The following PCSK6 variants were observed in gnomAD, a reference collection of about 807,000 sequenced individuals.
PCSK6 encodes the protein proprotein convertase subtilisin/kexin type 6.
PCSK6 carries 85 observed loss-of-function variants against 123.3 expected under a neutral mutation model. That is an observed-to-expected ratio of 0.69 (90% CI 0.58 to 0.83). The LOEUF (loss-of-function observed/expected upper bound fraction) is 0.83, where lower values mean the gene tolerates loss of function less well. PCSK6 is among the 40% of genes least tolerant of loss of function. The pLI is 0.00. For missense variants in PCSK6, 1,191 were observed against 1,282.3 expected (o/e 0.93, Z 1.09); for synonymous variants, 508 against 516.0 (o/e 0.98, Z 0.21).
chr15:101,325,523 A>G (rs982965499), intron 16 of PCSK6, among the ~76,000 whole-genome samples: 4 of 152,160 alleles, frequency 2.6e-5, no homozygotes, highest in African/African-American at 9.7e-5. Flanking sequence ...CCCGTGCCTG[A>G]GCCCTCATGG....
chr15:101,447,399 C>T (rs2056919457), intron 1 of PCSK6, among the ~76,000 whole-genome samples: 1 of 152,172 alleles, frequency 6.6e-6, no homozygotes, highest in African/African-American at 2.4e-5. Context: ...AGAGATGTCC[C>T]CATTTCACAG....
chr15:101,391,259 G>A (rs1365570667), intron 8 of PCSK6, among the ~76,000 whole-genome samples: 1 of 152,184 alleles, frequency 6.6e-6, no homozygotes, highest in Non-Finnish European at 1.5e-5. Flanking sequence ...AGGGGTTCTC[G>A]GCAGATCACA....
rs2057351632 is a variant in PCSK6 at position 101,462,035 on chromosome 15, C to T, written c.298-18375G>A. Among the ~76,000 whole-genome samples the T allele has an allele frequency of 2.6e-5, 4 of 152,228 alleles. No homozygotes were observed. The South Asian group carries it at 8.3e-4, about 32-fold the overall frequency. On this transcript the variant is annotated intron_variant, in intron 1 of 21. Coordinates refer to ENST00000611716, the MANE Select transcript of PCSK6 (RefSeq NM_002570.5). ...AGGGAGAGACAAAACTACAATTATT[C>T]ACAGATGATATGACTATCTACATAG... is the stretch of plus-strand genomic sequence containing the variant.
At chr15:101,400,862 C>T (rs760288339) in intron 6 of PCSK6, among the ~76,000 whole-genome samples, 4 of 152,244 alleles carry the variant, frequency 2.6e-5, no homozygotes, top group Non-Finnish European at 5.9e-5. Flanking sequence ...GCAGTAAATT[C>T]TTCCATTCCA....
intron 13 of PCSK6, among the ~76,000 whole-genome samples, chr15:101,333,024 C>T (rs1287483521): frequency 6.6e-6 from 1 of 152,236 alleles, no homozygotes; most frequent in East Asian, 1.9e-4. Flanking sequence ...GATGAATCCA[C>T]CATAAGTTGA....
chr15:101,378,754 C>G (rs1377454205), intron 11 of PCSK6, among the ~76,000 whole-genome samples: 1 of 152,208 alleles, frequency 6.6e-6, no homozygotes, highest in Non-Finnish European at 1.5e-5. Context: ...CATACACAGA[C>G]AGGCTCAAAC....
chr15:101,318,174 G>T (rs1282225607), intron 19 of PCSK6, 145 bp downstream of exon 19: 1 of 624,586 alleles, frequency 1.6e-6, no homozygotes, highest in Non-Finnish European at 2.9e-6. Context: ...TCCCTGGTAG[G>T]GCCTTTGTAC....
chr15:101,438,644 C>G lies in PCSK6; in HGVS notation c.402+4912G>C, dbSNP rs550554720. ...TCGCCTCTCCTCTGGTTCTGGAACA[C>G]TGAACGCCCTCCCAAGCCTGACGAT... is the stretch of plus-strand genomic sequence containing the variant. On this transcript the variant is annotated intron_variant, in intron 2 of 21. Coordinates refer to ENST00000611716, the MANE Select transcript of PCSK6 (RefSeq NM_002570.5). Among the ~76,000 whole-genome samples the G allele has an allele frequency of 1.7e-4, 26 of 152,348 alleles. No individual in the cohort carries two copies. In the South Asian group the frequency reaches 4.4e-3, roughly 25 times the overall value.
intron 19 of PCSK6, 26 bp from the exon 20 acceptor site, chr15:101,313,531 G>T (rs2039918678): frequency 6.3e-7 from 1 of 1,576,288 alleles, no homozygotes; most frequent in Non-Finnish European, 8.6e-7. Context: ...AAAGAAGCAG[G>T]TATCAGGGAT....
rs2055729815 is a variant in PCSK6, at chr15:101,412,632, G to T, written c.824-14056C>A. On this transcript the variant is annotated intron_variant, in intron 6 of 21. Transcript: ENST00000611716. ...GAACTGGAAATACAATAATCAAAAA[G>T]CTCAGTGATGGGCTCAGTAATAGAA... 6.1e-5 allele frequency among the ~76,000 whole-genome samples: 9 copies of T among 148,246 alleles called. 1 individual carries two copies. The South Asian group carries it at 1.9e-3, about 31-fold the overall frequency.
rs182138781 is a variant in PCSK6, at chr15:101,390,282, G to A, written c.1210-718C>T. Among the ~76,000 whole-genome samples, 277 of 152,330 alleles carry A rather than the reference G, an allele frequency of 1.8e-3. 2 individuals are homozygous for A. Among genetic ancestry groups the A allele is most frequent in the African/African-American group, 6.3e-3 (261 of 41,538 alleles). On this transcript the variant is annotated intron_variant, in intron 8 of 21. Transcript: ENST00000611716. ...CCACTCAGGCTGACGTGTATCTCCC[G>A]TTGGACTCAAACGGGAAGTGGGTGC...
Position 101,398,387 on chromosome 15 carries a change from G to A in PCSK6, c.996+17C>T. ...CCTTGTCCCAGAGCGCTCCCCTGTA[G>A]CCCTGGTTACTCACACCTTTTTAAT... On this transcript the variant is annotated intron_variant, in intron 7 of 21. Coordinates refer to ENST00000611716, the MANE Select transcript of PCSK6 (RefSeq NM_002570.5). The surrounding 1 kb of genome is among the most constrained non-coding windows in gnomAD (Gnocchi z 4.6). The A allele has an allele frequency of 6.3e-7, 1 of 1,599,682 alleles. No homozygotes were observed.
Position 101,465,016 on chromosome 15 carries a change from G to A in PCSK6, c.298-21356C>T, listed in dbSNP as rs1378914682. On this transcript the variant is annotated intron_variant, in intron 1 of 21. Transcript: ENST00000611716. ...GAGAGGCTCCAAGATGAAAAAGAGG[G>A]CAAGCCTGATCAGATGCCGCTTGAC... 2.0e-5 allele frequency among the ~76,000 whole-genome samples: 3 copies of A among 152,182 alleles called. No individual in the cohort carries two copies. The East Asian group carries it at 5.8e-4, about 29-fold the overall frequency.
chr15:101,322,047 A>G (rs2040136100), intron 18 of PCSK6, among the ~76,000 whole-genome samples: 1 of 152,246 alleles, frequency 6.6e-6, no homozygotes, highest in South Asian at 2.1e-4. Context: ...GCTGAGCTTT[A>G]TGGGGCTGAG....
chr15:101,332,806 G>A (rs1473638241), intron 13 of PCSK6, among the ~76,000 whole-genome samples: 1 of 152,248 alleles, frequency 6.6e-6, no homozygotes, highest in East Asian at 1.9e-4. Context: ...TCCACAGGGA[G>A]CGATGGCCCA....
chr15:101,307,155 G>A (rs942519322), intron 21 of PCSK6, 58 bp downstream of exon 21: 33 of 1,295,680 alleles, frequency 2.5e-5, no homozygotes, highest in Middle Eastern at 1.9e-4. Flanking sequence ...TTTGGAGCAC[G>A]AGCTGGCCAG....
In PCSK6 at chr15:101,359,135, T is replaced by G. The variant is rs139743880; in HGVS notation, c.1858+7061A>C. ...GCTGTTTCTGGACCACATTCAGGAG[T>G]GGCAGTTGTCTACAGGGTAAAGCTT... On this transcript the variant is annotated intron_variant, in intron 13 of 21. Coordinates refer to ENST00000611716, the MANE Select transcript of PCSK6 (RefSeq NM_002570.5). Among the ~76,000 whole-genome samples the G allele has an allele frequency of 2.9e-3, 435 of 152,150 alleles. 2 individuals carry two copies. The highest frequency in any genetic ancestry group is 0.01 in the African/African-American group (422 of 41,520).
intron 12 of PCSK6, among the ~76,000 whole-genome samples, chr15:101,368,853 TTTTAAAATCTTTAAGG>T (rs1346678825): frequency 6.6e-6 from 1 of 152,192 alleles, no homozygotes; most frequent in African/African-American, 2.4e-5. Context: ...AAATGAGGAC[TTTTAAAATCTTTAAGG>T]TTAAAAAAAT....
At chr15:101,383,853 G>C (rs530813272) in intron 10 of PCSK6, among the ~76,000 whole-genome samples, 1 of 150,376 alleles carries the variant, frequency 6.6e-6, no homozygotes, top group African/African-American at 2.4e-5. Context: ...ATGTAGTACA[G>C]TTTCCTTTTA....
Sources: allele counts gnomAD v4.1 joint callset (sites outside exome capture counted in the v4.1 genomes callset), GRCh38; gene constraint gnomAD v4.1.1; non-coding constraint Gnocchi (gnomAD v3.1); transcripts MANE v1.5; gene names NCBI Gene and HGNC (gene_info 2026-07-23, HGNC 2026-07-21).